TTC38: variants seen among roughly 807,000 people sequenced by gnomAD.
TTC38 encodes the protein tetratricopeptide repeat domain 38.
A neutral mutation model predicts 64.2 loss-of-function variants in TTC38; 64 were observed. The ratio of observed to expected loss-of-function variants is 1.00; its 90% CI spans 0.81 to 1.23. The LOEUF (loss-of-function observed/expected upper bound fraction) is 1.23, where lower values mean the gene tolerates loss of function less well. TTC38 is among the 50% of genes most tolerant of loss of function. The pLI is 0.00. For synonymous variants in TTC38, 254 were observed against 249.3 expected (o/e 1.02, Z -0.18); for missense variants, 573 against 615.5 (o/e 0.93, Z 0.73).
rs1447472982 is a variant in TTC38, at chr22:46,270,289, T to C, written c.111+1698T>C. Among the ~76,000 whole-genome samples, 1 of 152,188 alleles carries C rather than the reference T, an allele frequency of 6.6e-6. No homozygotes were observed. The highest frequency in any genetic ancestry group is 1.5e-5 in the Non-Finnish European group (1 of 68,036). On this transcript the variant is annotated intron_variant, in intron 2 of 13. Transcript: ENST00000381031. The surrounding 1 kb of genome is among the most constrained non-coding windows in gnomAD (Gnocchi z 4.7). ...TTATAGTCTCAGCTATTTGGGAGGC[T>C]GAGGCAGGGGGATTGCTTGAGCCTG...
chr22:46,290,709 G>A (rs1427085915), intron 13 of TTC38, among the ~76,000 whole-genome samples: 1 of 152,078 alleles, frequency 6.6e-6, no homozygotes, highest in Non-Finnish European at 1.5e-5. Context: ...TGTCAGGAGG[G>A]TGGCATAGCT....
In TTC38 at chr22:46,274,180, C is replaced by A; in HGVS notation, c.365+111C>A. On this transcript the variant is annotated intron_variant, in intron 4 of 13. Transcript: ENST00000381031. This position sits in a 1 kb window ranked among gnomAD's most constrained non-coding sequence, Gnocchi z 4.8. Reference sequence around the variant, plus strand: ...ACGGGGGCGGGGTGGGAGAATGCTTCTCTCCCTGCCTCCTGAGATGCTCTG... The same window carrying A: ...ACGGGGGCGGGGTGGGAGAATGCTTATCTCCCTGCCTCCTGAGATGCTCTG... 1.1e-6 allele frequency: 1 copy of A among 918,676 alleles called. No individual in the cohort carries two copies. The highest frequency in any genetic ancestry group is 1.6e-6 in the Non-Finnish European group (1 of 606,844). 56.9% of individuals were successfully genotyped at this position (918,676 alleles called of 1,614,324 possible). A position where few individuals can be genotyped will look rare whatever the true frequency, so the allele number is the denominator to read the frequency against.
intron 5 of TTC38, among the ~76,000 whole-genome samples, chr22:46,277,937 G>C (rs949128220): frequency 1.3e-5 from 2 of 152,220 alleles, no homozygotes; most frequent in Admixed American, 6.5e-5. Context: ...GTTACTCTCA[G>C]TGGAGACCCG....
intron 5 of TTC38, among the ~76,000 whole-genome samples, chr22:46,278,102 G>A (rs1271542401): frequency 6.6e-6 from 1 of 152,230 alleles, no homozygotes; most frequent in Non-Finnish European, 1.5e-5. Flanking sequence ...TGGGGTTGGA[G>A]GTTGCATCAG....
In TTC38 at chr22:46,291,443, G is replaced by A. The variant is rs1251751739; in HGVS notation, c.1317-1348G>A. On this transcript the variant is annotated intron_variant, in intron 13 of 13. Coordinates refer to ENST00000381031, the MANE Select transcript of TTC38 (RefSeq NM_017931.4). The surrounding 1 kb of genome is among the most constrained non-coding windows in gnomAD (Gnocchi z 4.6). ...CGACTGCATTAGGAGACGTGGAGGG[G>A]GCCTTCTCTCCAAGTCCTGTCCTGC... Among the ~76,000 whole-genome samples, 1 of 152,068 alleles carries A rather than the reference G, an allele frequency of 6.6e-6. No individual in the cohort carries two copies. The highest frequency in any genetic ancestry group is 1.5e-5 in the Non-Finnish European group (1 of 68,002).
At chr22:46,280,623 C>A (rs888305708) in intron 6 of TTC38, among the ~76,000 whole-genome samples, 1 of 152,266 alleles carries the variant, frequency 6.6e-6, no homozygotes, top group Non-Finnish European at 1.5e-5. Flanking sequence ...GACACACTTT[C>A]TTTCCCTCTG....
rs945544716 is a variant in TTC38 at position 46,287,100 on chromosome 22, G to A, written c.862G>A (p.Ala288Thr). 3 of 1,605,036 alleles carry A rather than the reference G, an allele frequency of 1.9e-6. No individual in the cohort carries two copies. The highest frequency in any genetic ancestry group is 1.3e-5 in the African/African-American group (1 of 74,888). Residue 288 changes from alanine to threonine, a missense_variant, in exon 10 of 14, where the codon GCA (alanine) becomes ACA (threonine). Physicochemically the swap from Ala to Thr is moderately conservative, Grantham distance 58. Transcript: ENST00000381031. ...CCTTCCCAGCCTGCAGGCCAACGATGCAATGCTGGACGTGGTGGACAGCTG... is the reference window on the plus strand; with the variant it reads ...CCTTCCCAGCCTGCAGGCCAACGATACAATGCTGGACGTGGTGGACAGCTG... ...HILPSLQAND[A>T]MLDVVDSCSM...
In TTC38 at chr22:46,275,621, C is replaced by T. The variant is rs1422564521; in HGVS notation, c.539+200C>T. 6.6e-6 allele frequency among the ~76,000 whole-genome samples: 1 copy of T among 152,198 alleles called. No individual in the cohort carries two copies. Among genetic ancestry groups the T allele is most frequent in the Non-Finnish European group, 1.5e-5 (1 of 68,046 alleles). ...TGAATGAGGTAGTACCATTATGTATCAGTCAGCATGGGATTGTTTTTGCTG... is the reference window on the plus strand; with the variant it reads ...TGAATGAGGTAGTACCATTATGTATTAGTCAGCATGGGATTGTTTTTGCTG... On this transcript the variant is annotated intron_variant, in intron 5 of 13. Transcript: ENST00000381031. This position sits in a 1 kb window ranked among gnomAD's most constrained non-coding sequence, Gnocchi z 4.5.
chr22:46,285,627 G>A (rs1421447133), intron 9 of TTC38, among the ~76,000 whole-genome samples: 1 of 150,634 alleles, frequency 6.6e-6, no homozygotes, highest in Non-Finnish European at 1.5e-5. Context: ...TTTTGAGACA[G>A]AGTTTCGCTC....
At position 46,291,502 on chromosome 22, in the gene TTC38, C is replaced by T. The variant is rs1027557837; in HGVS notation, c.1317-1289C>T. On this transcript the variant is annotated intron_variant, in intron 13 of 13. Coordinates refer to ENST00000381031, the MANE Select transcript of TTC38 (RefSeq NM_017931.4). This position sits in a 1 kb window ranked among gnomAD's most constrained non-coding sequence, Gnocchi z 4.6. ...AGCATCCATGGGGCCATCAGCACAG[C>T]TCACCAGCCCCCAAGGTGGGAAACC... 7.9e-5 allele frequency among the ~76,000 whole-genome samples: 12 copies of T among 152,214 alleles called. No homozygotes were observed. The highest frequency in any genetic ancestry group is 2.9e-4 in the African/African-American group (12 of 41,442).
chr22:46,274,141 C>G lies in TTC38; in HGVS notation c.365+72C>G. 3 of 1,220,830 alleles carry G rather than the reference C, an allele frequency of 2.5e-6. No homozygotes were observed. Among genetic ancestry groups the G allele is most frequent in the Non-Finnish European group, 2.4e-6 (2 of 849,648 alleles). The allele number at this position is 1,220,830 out of a possible 1,614,324, so 75.6% of individuals were successfully genotyped here. A position where few individuals can be genotyped will look rare whatever the true frequency, so the allele number is the denominator to read the frequency against. On this transcript the variant is annotated intron_variant, in intron 4 of 13. Coordinates refer to ENST00000381031, the MANE Select transcript of TTC38 (RefSeq NM_017931.4). The surrounding 1 kb of genome is among the most constrained non-coding windows in gnomAD (Gnocchi z 4.8). The stretch of plus-strand genomic sequence containing the variant: ...GGGGGAGTGGCAGGGTATCCCTTTC[C>G]TGATGCCCTTGGGACGGGGGCGGGG...
rs765393027 is a variant in TTC38, at chr22:46,283,953, C to CGTT, written c.736-20_736-19insGTT. Reference sequence around the variant, plus strand: ...GGCCTTCAGACTTTTCATAAATTCTCTTTTTTTTTTTTTCTCCAGGACTCT... The same window carrying CGTT: ...GGCCTTCAGACTTTTCATAAATTCTCGTTTTTTTTTTTTTTTCTCCAGGACTCT... On this transcript the variant is annotated intron_variant, in intron 7 of 13. Coordinates refer to ENST00000381031, the MANE Select transcript of TTC38 (RefSeq NM_017931.4). 31 of 1,313,286 alleles carry CGTT rather than the reference C, an allele frequency of 2.4e-5. No individual in the cohort carries two copies. Among genetic ancestry groups the CGTT allele is most frequent in the African/African-American group, 1.4e-4 (9 of 65,472 alleles). The allele number at this position is 1,313,286 out of a possible 1,614,324, so 81.4% of individuals were successfully genotyped here. A position where few individuals can be genotyped will look rare whatever the true frequency, so the allele number is the denominator to read the frequency against.
Position 46,272,661 on chromosome 22 carries a change from C to T in TTC38, c.193+245C>T, listed in dbSNP as rs368229410. On this transcript the variant is annotated intron_variant, in intron 3 of 13. Transcript: ENST00000381031. The surrounding 1 kb of genome is among the most constrained non-coding windows in gnomAD (Gnocchi z 6.4). ...ATCTTTTCTTTAATTACCATCAATT[C>T]GGGAATGAAGATGCTGATCTCATTT... 1.3e-5 allele frequency among the ~76,000 whole-genome samples: 2 copies of T among 152,124 alleles called. No individual in the cohort carries two copies. Among genetic ancestry groups the T allele is most frequent in the African/African-American group, 4.8e-5 (2 of 41,418 alleles).
In TTC38 at chr22:46,282,113, A is replaced by G; in HGVS notation, c.735+395A>G. ...ACAGTGGCTAGGGAAGGCATCCTGG[A>G]GGGGGCAACCTCTGAGTTGGCTACT... On this transcript the variant is annotated intron_variant, in intron 7 of 13. Coordinates refer to ENST00000381031, the MANE Select transcript of TTC38 (RefSeq NM_017931.4). The surrounding 1 kb of genome is among the most constrained non-coding windows in gnomAD (Gnocchi z 4.4). 2.5e-6 allele frequency: 1 copy of G among 398,594 alleles called. No individual in the cohort carries two copies. The highest frequency in any genetic ancestry group is 5.3e-6 in the Non-Finnish European group (1 of 189,916). The allele number at this position is 398,594 out of a possible 1,614,324, so 24.7% of individuals were successfully genotyped here.
chr22:46,269,443 T>A (rs976546688), intron 2 of TTC38, among the ~76,000 whole-genome samples: 1 of 152,230 alleles, frequency 6.6e-6, no homozygotes, highest in Non-Finnish European at 1.5e-5. Context: ...AAACTGAGGC[T>A]CAGAGTTGAA....
Position 46,271,535 on chromosome 22 carries a change from A to G in TTC38, c.112-800A>G, listed in dbSNP as rs530236232. Among the ~76,000 whole-genome samples, 6 of 148,314 alleles carry G rather than the reference A, an allele frequency of 4.0e-5. No homozygotes were observed. Among genetic ancestry groups the G allele is most frequent in the Admixed American group, 3.3e-4 (5 of 14,934 alleles). On this transcript the variant is annotated intron_variant, in intron 2 of 13. Coordinates refer to ENST00000381031, the MANE Select transcript of TTC38 (RefSeq NM_017931.4). This position sits in a 1 kb window ranked among gnomAD's most constrained non-coding sequence, Gnocchi z 5.5. ...GCCTTTTTTTTTCCTTTTCTCTGTC[A>G]CCCAGGCTGGGGTGCAGTGGCACGA...
Position 46,273,686 on chromosome 22 carries a change from T to A in TTC38, c.194-212T>A, listed in dbSNP as rs1302135592. Among the ~76,000 whole-genome samples, 1 of 152,208 alleles carries A rather than the reference T, an allele frequency of 6.6e-6. No individual in the cohort carries two copies. The highest frequency in any genetic ancestry group is 1.5e-5 in the Non-Finnish European group (1 of 68,034). On this transcript the variant is annotated intron_variant, in intron 3 of 13. Transcript: ENST00000381031. The surrounding 1 kb of genome is among the most constrained non-coding windows in gnomAD (Gnocchi z 5.1). ...GCAGAATGCCCTCACTAGAAAAATG[T>A]TCAAGGGTGCCTTTAGGCTTGCAGT...
rs997518831 is a variant in TTC38, at chr22:46,274,393, G to A, written c.365+324G>A. Among the ~76,000 whole-genome samples the A allele has an allele frequency of 6.6e-6, 1 of 152,192 alleles. No individual in the cohort carries two copies. The highest frequency in any genetic ancestry group is 1.5e-5 in the Non-Finnish European group (1 of 68,014). On this transcript the variant is annotated intron_variant, in intron 4 of 13. Coordinates refer to ENST00000381031, the MANE Select transcript of TTC38 (RefSeq NM_017931.4). This position sits in a 1 kb window ranked among gnomAD's most constrained non-coding sequence, Gnocchi z 4.8. ...AATTACTAGGTTAGGGAAGAGAGAA[G>A]AAAACATGCTTCTTCTAGTGAGAAA... is the stretch of plus-strand genomic sequence containing the variant.
In TTC38 at chr22:46,275,123, A is replaced by C. The variant is rs943356419; in HGVS notation, c.366-125A>C. ...GGCATAAGCCACCGCACCCAGTCAGAAACTGATTTTTAAAAAAACACATCC... is the reference window on the plus strand; with the variant it reads ...GGCATAAGCCACCGCACCCAGTCAGCAACTGATTTTTAAAAAAACACATCC... On this transcript the variant is annotated intron_variant, in intron 4 of 13. Transcript: ENST00000381031. The surrounding 1 kb of genome is among the most constrained non-coding windows in gnomAD (Gnocchi z 4.5). 3.2e-6 allele frequency: 3 copies of C among 945,064 alleles called. No individual in the cohort carries two copies. In the African/African-American group the frequency reaches 5.0e-5, roughly 16 times the overall value. 58.5% of individuals were successfully genotyped at this position (945,064 alleles called of 1,614,324 possible).
Sources: gnomAD v4.1 joint callset for allele counts (sites outside exome capture counted in the v4.1 genomes callset) on GRCh38, gnomAD v4.1.1 for gene constraint, Gnocchi (gnomAD v3.1) non-coding constraint, MANE v1.5 for transcripts, NCBI Gene and HGNC (gene_info 2026-07-23, HGNC 2026-07-21) for gene names.